Variants in PCDHGA5 observed in about 807,000 individuals in gnomAD.
PCDHGA5 encodes protocadherin gamma-A5.
Under a neutral mutation model 56.7 loss-of-function variants are expected in PCDHGA5, and 36 were observed. The ratio of observed to expected loss-of-function variants is 0.64; its 90% confidence interval spans 0.49 to 0.84. The LOEUF is 0.84. Among genes scored for constraint, PCDHGA5 ranks in the 40% least tolerant of loss-of-function variants. The pLI, the probability that PCDHGA5 is intolerant of heterozygous loss-of-function variation, is 0.00. For missense variants in PCDHGA5, 1,305 were observed against 1,201.5 expected (o/e 1.09, Z -1.27); for synonymous variants, 563 against 520.2 (o/e 1.08, Z -1.12).
Position 141,441,798 on chromosome 5 carries a change from CGGGT to C in PCDHGA5, c.2422-53007_2422-53004del, listed in dbSNP as rs1242635625. 6.4e-4 allele frequency: 248 copies of C among 387,326 alleles called. 2 individuals are homozygous for C. The highest frequency in any genetic ancestry group is 4.8e-3 in the African/African-American group (220 of 46,120). 24.0% of individuals were successfully genotyped at this position (387,326 alleles called of 1,614,324 possible). A position where few individuals can be genotyped will look rare whatever the true frequency, so the allele number is the denominator to read the frequency against. ...GGACGACCTGAATGACAACGCACCG[CGGGT>C]GCTGTACCCCAGCTCTGGAGCGCAA... On this transcript the variant is annotated intron_variant, in intron 1 of 3. Transcript: ENST00000518069.
intron 1 of PCDHGA5, chr5:141,372,647 C>T (rs1768941423): frequency 1.9e-6 from 3 of 1,613,918 alleles, no homozygotes; most frequent in South Asian, 2.2e-5. Flanking sequence ...TGCCTTATTC[C>T]TACAATCCGT....
At chr5:141,368,374 T>TACACACATACAC (rs1250465847) in intron 1 of PCDHGA5, among the ~76,000 whole-genome samples, 1 of 152,022 alleles carries the variant, frequency 6.6e-6, no homozygotes, top group African/African-American at 2.4e-5. Context: ...CACATATATA[T>TACACACATACAC]ACACACATAC....
chr5:141,425,576 G>A (rs2096883993), intron 1 of PCDHGA5, among the ~76,000 whole-genome samples: 1 of 152,166 alleles, frequency 6.6e-6, no homozygotes, highest in Non-Finnish European at 1.5e-5. Flanking sequence ...GAAGGGTTTG[G>A]CTAACTTTAT....
chr5:141,374,657 C>T, intron 1 of PCDHGA5: 1 of 1,612,018 alleles, frequency 6.2e-7, no homozygotes, highest in Non-Finnish European at 8.5e-7. Context: ...GCCCAAGTAC[C>T]CGGAGCTGGT....
Position 141,415,384 on chromosome 5 carries a change from A to G in PCDHGA5, c.2421+48633A>G, listed in dbSNP as rs767664633. ...GCTGCAGGCTTCAGGAGGCGGCTTG[A>G]CAGGTGTGTCCGGCTCGCACTTTGT... On this transcript the variant is annotated intron_variant, in intron 1 of 3. Coordinates refer to ENST00000518069, the MANE Select transcript of PCDHGA5 (RefSeq NM_018918.3). 9.3e-6 allele frequency: 15 copies of G among 1,614,156 alleles called. No homozygotes were observed. The East Asian group carries it at 2.2e-4, about 24-fold the overall frequency.
At chr5:141,425,159 G>T (rs557552439) in intron 1 of PCDHGA5, among the ~76,000 whole-genome samples, 1 of 152,244 alleles carries the variant, frequency 6.6e-6, no homozygotes, top group Non-Finnish European at 1.5e-5. Context: ...AGCATCTAGG[G>T]ATAGGATTTA....
intron 1 of PCDHGA5, among the ~76,000 whole-genome samples, chr5:141,482,057 C>A (rs2099551189): frequency 6.7e-6 from 1 of 149,978 alleles, no homozygotes; most frequent in Non-Finnish European, 1.5e-5. Flanking sequence ...TGCATTCCAG[C>A]CTGGGCAACA....
At position 141,491,919 on chromosome 5, in the gene PCDHGA5, C is replaced by A. The variant is rs1177043977; in HGVS notation, c.2422-2888C>A. 1.5e-6 allele frequency: 2 copies of A among 1,361,778 alleles called. No homozygotes were observed. Among genetic ancestry groups the A allele is most frequent in the South Asian group, 1.6e-5 (1 of 64,218 alleles). 84.4% of individuals were successfully genotyped at this position (1,361,778 alleles called of 1,614,324 possible). A position where few individuals can be genotyped will look rare whatever the true frequency, so the allele number is the denominator to read the frequency against. On this transcript the variant is annotated intron_variant, in intron 1 of 3. Coordinates refer to ENST00000518069, the MANE Select transcript of PCDHGA5 (RefSeq NM_018918.3). The surrounding 1 kb of genome is among the most constrained non-coding windows in gnomAD (Gnocchi z 6.9). ...CACCGGGGGTGGTGGCGACTGTGGGCGAGGGGAGGTGGGACCGACCCCCAC... is the reference window on the plus strand; with the variant it reads ...CACCGGGGGTGGTGGCGACTGTGGGAGAGGGGAGGTGGGACCGACCCCCAC...
At chr5:141,507,815 C>G (rs936926937) in intron 3 of PCDHGA5, among the ~76,000 whole-genome samples, 2 of 152,204 alleles carry the variant, frequency 1.3e-5, no homozygotes, top group African/African-American at 4.8e-5. Context: ...GGAACGGACC[C>G]TGGGGGTGGA....
At chr5:141,482,457 C>T (rs1279922250) in intron 1 of PCDHGA5, among the ~76,000 whole-genome samples, 3 of 147,484 alleles carry the variant, frequency 2.0e-5, no homozygotes, top group Non-Finnish European at 3.0e-5. Context: ...TATTAGCATC[C>T]CTATGTGCCA....
Position 141,376,503 on chromosome 5 carries a change from T to C in PCDHGA5, c.2421+9752T>C, listed in dbSNP as rs192154001. 1.1e-5 allele frequency: 17 copies of C among 1,614,052 alleles called. No homozygotes were observed. In the African/African-American group the frequency reaches 2.1e-4, roughly 20 times the overall value. ...GAAACGAAAGGAGAACCCAGGCAAC[T>C]TCAGGTGAGTTTCTTTCCGCCTAAG... is the stretch of plus-strand genomic sequence containing the variant. On this transcript the variant is annotated intron_variant, in intron 1 of 3. Transcript: ENST00000518069.
At position 141,431,595 on chromosome 5, in the gene PCDHGA5, A is replaced by G; in HGVS notation, c.2422-63212A>G. The G allele has an allele frequency of 6.2e-7, 1 of 1,614,218 alleles. No homozygotes were observed. The highest frequency in any genetic ancestry group is 8.5e-7 in the Non-Finnish European group (1 of 1,180,034). On this transcript the variant is annotated intron_variant, in intron 1 of 3. Transcript: ENST00000518069. The surrounding 1 kb of genome is among the most constrained non-coding windows in gnomAD (Gnocchi z 4.8). Reference sequence around the variant, plus strand: ...GAAGGAGTCAATGCGGAAGTGAGGTATTCCTTCCGGTATGTGGACGACAAG... The same window carrying G: ...GAAGGAGTCAATGCGGAAGTGAGGTGTTCCTTCCGGTATGTGGACGACAAG...
chr5:141,429,105 C>A (rs936114624), intron 1 of PCDHGA5: 2 of 152,318 alleles, frequency 1.3e-5, no homozygotes, highest in African/African-American at 4.8e-5. Flanking sequence ...CTGCCCGCCT[C>A]GGCCTCCCAA....
intron 1 of PCDHGA5, chr5:141,418,113 T>C (rs1320881856): frequency 3.1e-6 from 5 of 1,613,912 alleles, no homozygotes; most frequent in Non-Finnish European, 3.4e-6. Context: ...GGGGACTTAC[T>C]TGTGAAGGAC....
At position 141,388,709 on chromosome 5, in the gene PCDHGA5, C is replaced by G. The variant is rs370023698; in HGVS notation, c.2421+21958C>G. On this transcript the variant is annotated intron_variant, in intron 1 of 3. Coordinates refer to ENST00000518069, the MANE Select transcript of PCDHGA5 (RefSeq NM_018918.3). Reference sequence around the variant, plus strand: ...CGGACCAGGATGAGGGTGTCAATGCCGAGATTACTTTCTCTTTCAGTGAAG... The same window carrying G: ...CGGACCAGGATGAGGGTGTCAATGCGGAGATTACTTTCTCTTTCAGTGAAG... 1.4e-5 allele frequency: 22 copies of G among 1,613,938 alleles called. No individual in the cohort carries two copies. In the Admixed American group the frequency reaches 3.7e-4, roughly 27 times the overall value.
chr5:141,486,760 G>C lies in PCDHGA5; in HGVS notation c.2422-8047G>C. ...GATCCTTTGACTATGAGCAAACCCAGACACTGCAGTTTGAGGTGCAGGCCC... is the reference window on the plus strand; with the variant it reads ...GATCCTTTGACTATGAGCAAACCCACACACTGCAGTTTGAGGTGCAGGCCC... On this transcript the variant is annotated intron_variant, in intron 1 of 3. Transcript: ENST00000518069. This position sits in a 1 kb window ranked among gnomAD's most constrained non-coding sequence, Gnocchi z 5.0. 1.2e-6 allele frequency: 2 copies of C among 1,614,240 alleles called. No homozygotes were observed. The highest frequency in any genetic ancestry group is 2.2e-5 in the South Asian group (2 of 91,086).
chr5:141,444,237 T>G (rs1315900009), intron 1 of PCDHGA5, among the ~76,000 whole-genome samples: 1 of 137,132 alleles, frequency 7.3e-6, no homozygotes, highest in Admixed American at 8.0e-5. Flanking sequence ...AATGGCATGC[T>G]CTCGGCTCAC....
At chr5:141,418,572 A>AC (rs752316020) in intron 1 of PCDHGA5, 2 of 1,613,794 alleles carry the variant, frequency 1.2e-6, no homozygotes, top group African/African-American at 1.3e-5. Context: ...GCCAATGACA[A>AC]CCCCCCAGTG....
At chr5:141,449,080 A>G (rs2098627421) in intron 1 of PCDHGA5, among the ~76,000 whole-genome samples, 1 of 152,198 alleles carries the variant, frequency 6.6e-6, no homozygotes, top group Non-Finnish European at 1.5e-5. Context: ...CCCTGTACCT[A>G]CATCAGTTTT....
Sources: gnomAD v4.1 joint callset for allele counts (sites outside exome capture counted in the v4.1 genomes callset) on GRCh38, gnomAD v4.1.1 for gene constraint, Gnocchi (gnomAD v3.1) non-coding constraint, MANE v1.5 for transcripts, NCBI Gene and HGNC (gene_info 2026-07-23, HGNC 2026-07-21) for gene names.